Variants in LPP observed in about 807,000 individuals in gnomAD.
The protein encoded by LPP is lipoma-preferred partner.
A neutral mutation model predicts 60.4 loss-of-function variants in LPP; 38 were observed. The observed-to-expected ratio is 0.63, with a 90% CI of 0.49 to 0.83. The LOEUF is 0.83. Among genes scored for constraint, LPP ranks in the 40% least tolerant of loss-of-function variants. The pLI is 0.00. For synonymous variants in LPP, 328 were observed against 290.8 expected, an observed-to-expected ratio of 1.13 and a Z score of -1.30; for missense variants, 902 against 783.6, an observed-to-expected ratio of 1.15 and a Z score of -1.80.
intron 4 of LPP, among the ~76,000 whole-genome samples, chr3:188,445,560 C>T (rs182016283): frequency 1.3e-4 from 20 of 151,980 alleles, no homozygotes; most frequent in African/African-American, 4.8e-4. Context: ...ACGGATGCAG[C>T]AAACCACCGT....
chr3:188,381,387 T>C (rs1312186699), intron 3 of LPP, among the ~76,000 whole-genome samples: 1 of 152,210 alleles, frequency 6.6e-6, no homozygotes, highest in East Asian at 1.9e-4. Flanking sequence ...ACTGAGCATT[T>C]ACCTTATTGG....
At chr3:188,663,056 G>A (rs1262372304) in intron 7 of LPP, among the ~76,000 whole-genome samples, 2 of 152,222 alleles carry the variant, frequency 1.3e-5, no homozygotes, top group East Asian at 3.8e-4. Context: ...AAAGAGAACA[G>A]AAGACACTAC....
intron 2 of LPP, among the ~76,000 whole-genome samples, chr3:188,262,732 T>TCA (rs554027168): frequency 6.6e-5 from 10 of 151,108 alleles, no homozygotes; most frequent in East Asian, 1.9e-4. Context: ...TCTCTCTGTC[T>TCA]CACACACACA....
chr3:188,154,657 G>C (rs944434723), intron 1 of LPP, among the ~76,000 whole-genome samples: 1 of 152,232 alleles, frequency 6.6e-6, no homozygotes, highest in African/African-American at 2.4e-5. Context: ...CAGAGAGAAG[G>C]AGGGTCGCCC....
intron 6 of LPP, among the ~76,000 whole-genome samples, chr3:188,573,294 A>AT (rs1833911670): frequency 6.6e-6 from 1 of 152,144 alleles, no homozygotes; most frequent in Non-Finnish European, 1.5e-5. Flanking sequence ...ATTTGAATGC[A>AT]TTTTTTAAAA....
At chr3:188,299,943 C>T (rs944889502) in intron 2 of LPP, among the ~76,000 whole-genome samples, 2 of 152,186 alleles carry the variant, frequency 1.3e-5, no homozygotes, top group African/African-American at 4.8e-5. Context: ...GAGTTAATGC[C>T]TATGAAAGTA....
intron 2 of LPP, among the ~76,000 whole-genome samples, chr3:188,265,668 G>A (rs567522024): frequency 7.2e-5 from 11 of 152,284 alleles, no homozygotes; most frequent in South Asian, 4.1e-4. Context: ...AAAGAGCTGA[G>A]TCTTTAAGAC....
chr3:188,690,449 T>C (rs781650916), intron 7 of LPP, among the ~76,000 whole-genome samples: 1 of 152,194 alleles, frequency 6.6e-6, no homozygotes, highest in Admixed American at 6.5e-5. Flanking sequence ...AGATAAGTTT[T>C]TTTCTTTATT....
chr3:188,462,291 T>G (rs991091273), intron 4 of LPP, among the ~76,000 whole-genome samples: 5 of 151,526 alleles, frequency 3.3e-5, no homozygotes, highest in Non-Finnish European at 7.4e-5. Context: ...ACAGAGATAC[T>G]AACTAATGTA....
At chr3:188,194,660 G>A (rs1729046411) in intron 1 of LPP, among the ~76,000 whole-genome samples, 3 of 152,228 alleles carry the variant, frequency 2.0e-5, no homozygotes, top group African/African-American at 7.2e-5. Context: ...TTGACATTAA[G>A]ATAGCCAAGT....
At chr3:188,529,606 A>T (rs1248749903) in intron 6 of LPP, among the ~76,000 whole-genome samples, 1 of 152,166 alleles carries the variant, frequency 6.6e-6, no homozygotes, top group Non-Finnish European at 1.5e-5. Context: ...CTTTTATTCT[A>T]GGGAGTATTT....
At chr3:188,288,974 T>A (rs1414112591) in intron 2 of LPP, among the ~76,000 whole-genome samples, 1 of 152,038 alleles carries the variant, frequency 6.6e-6, no homozygotes, top group East Asian at 1.9e-4. Flanking sequence ...GATTGGGAAA[T>A]CATTTTTCTT....
chr3:188,799,969 A>G (rs1746519470), intron 9 of LPP, among the ~76,000 whole-genome samples: 1 of 152,212 alleles, frequency 6.6e-6, no homozygotes, highest in African/African-American at 2.4e-5. Flanking sequence ...ATAAACCTAT[A>G]TACGTGCGTA....
At chr3:188,496,331 G>A (rs1351475721) in intron 5 of LPP, among the ~76,000 whole-genome samples, 1 of 152,100 alleles carries the variant, frequency 6.6e-6, no homozygotes, top group African/African-American at 2.4e-5. Flanking sequence ...GTTTCACCAT[G>A]TTGGCCAGGC....
At position 188,217,822 on chromosome 3, in the gene LPP, AG is replaced by A. The variant is rs1714239334; in HGVS notation, c.-189-7582del. ...CTCTCCCATTTAGTTTCTAACCTTG[AG>A]CTTTGGGCCAGTGCACAGAGGATGG... On this transcript the variant is annotated intron_variant, in intron 1 of 11. Coordinates refer to ENST00000617246, the MANE Select transcript of LPP (RefSeq NM_001375462.1). The surrounding 1 kb of genome is among the most constrained non-coding windows in gnomAD (Gnocchi z 4.0). Among the ~76,000 whole-genome samples, 1 of 152,062 alleles carries A rather than the reference AG, an allele frequency of 6.6e-6. No individual in the cohort carries two copies. Among genetic ancestry groups the A allele is most frequent in the Non-Finnish European group, 1.5e-5 (1 of 68,002 alleles).
chr3:188,224,310 T>C (rs1195112168), intron 1 of LPP, among the ~76,000 whole-genome samples: 1 of 152,120 alleles, frequency 6.6e-6, no homozygotes, highest in Non-Finnish European at 1.5e-5. Flanking sequence ...AATTGTATGA[T>C]TGGCTAGGTA....
At chr3:188,334,381 A>G (rs953224182) in intron 2 of LPP, among the ~76,000 whole-genome samples, 1 of 144,516 alleles carries the variant, frequency 6.9e-6, no homozygotes, top group Non-Finnish European at 1.5e-5. Context: ...CTTTGGATAT[A>G]TGACCAGCAG....
At chr3:188,454,246 A>G (rs1797241396) in intron 4 of LPP, among the ~76,000 whole-genome samples, 1 of 152,230 alleles carries the variant, frequency 6.6e-6, no homozygotes, top group African/African-American at 2.4e-5. Flanking sequence ...ACTGCCGTGC[A>G]ATGCTGTAGG....
At chr3:188,462,614 G>A (rs1255426676) in intron 4 of LPP, among the ~76,000 whole-genome samples, 1 of 128,916 alleles carries the variant, frequency 7.8e-6, no homozygotes, top group Non-Finnish European at 1.7e-5. Context: ...GTGTGTGTGT[G>A]TGTGTGTGTG....
Sources: gnomAD v4.1 joint callset for allele counts (sites outside exome capture counted in the v4.1 genomes callset) on GRCh38, gnomAD v4.1.1 for gene constraint, Gnocchi (gnomAD v3.1) non-coding constraint, MANE v1.5 for transcripts, NCBI Gene and HGNC (gene_info 2026-07-23, HGNC 2026-07-21) for gene names.